OSBPL9: variants seen among roughly 807,000 people sequenced by gnomAD.
OSBPL9 encodes oxysterol binding protein like 9.
Under a neutral mutation model 106.6 loss-of-function variants are expected in OSBPL9, and 40 were observed. The observed-to-expected ratio is 0.38, with a 90% CI of 0.29 to 0.49. OSBPL9 has a LOEUF of 0.49. Among genes scored for constraint, OSBPL9 ranks in the 20% least tolerant of loss-of-function variants. The pLI, the probability that OSBPL9 is intolerant of heterozygous loss-of-function variation, is 0.97. For missense variants in OSBPL9, 609 were observed against 887.2 expected (o/e 0.69, Z 3.98); for synonymous variants, 269 against 295.4 (o/e 0.91, Z 0.92).
chr1:51,745,516 T>C lies in OSBPL9; in HGVS notation c.319-20T>C. On this transcript the variant is annotated intron_variant, in intron 4 of 23. Coordinates refer to ENST00000428468, the MANE Select transcript of OSBPL9 (RefSeq NM_024586.6). ...TTTGCTTGGGTTCTGGTAGATTTAT[T>C]GCAAATTCTCTTTCTCTAGGGTTTG... 6.2e-7 allele frequency: 1 copy of C among 1,608,420 alleles called. No individual in the cohort carries two copies. The highest frequency in any genetic ancestry group is 8.5e-7 in the Non-Finnish European group (1 of 1,176,892).
intron 3 of OSBPL9, among the ~76,000 whole-genome samples, chr1:51,706,084 G>A (rs1171310499): frequency 6.6e-6 from 1 of 152,176 alleles, no homozygotes; most frequent in African/African-American, 2.4e-5. Flanking sequence ...CCTTAAAAAA[G>A]AGTTGTGGAG....
intron 14 of OSBPL9, among the ~76,000 whole-genome samples, chr1:51,773,107 C>T (rs1172614732): frequency 6.6e-6 from 1 of 152,072 alleles, no homozygotes; most frequent in Non-Finnish European, 1.5e-5. Context: ...TAACCTGTTT[C>T]AGAGGGTTAT....
rs1677190936 is a variant in OSBPL9, at chr1:51,784,690, G to GTAAGCGTGTTTCACATTTTA, written c.1829+110_1829+129dup. The GTAAGCGTGTTTCACATTTTA allele has an allele frequency of 4.2e-5, 55 of 1,297,722 alleles. 1 individual carries two copies. The South Asian group carries it at 6.6e-4, about 15-fold the overall frequency. 80.4% of individuals were successfully genotyped at this position (1,297,722 alleles called of 1,614,324 possible). On this transcript the variant is annotated intron_variant, in intron 20 of 23. Coordinates refer to ENST00000428468, the MANE Select transcript of OSBPL9 (RefSeq NM_024586.6). ...AGTGTGAAAGAATGGTTCTGTCTTT[G>GTAAGCGTGTTTCACATTTTA]TAAGCGTGTTTCACATTTTATGTGT...
chr1:51,617,041 G>GC (rs750248073), upstream of OSBPL9: 14 of 352,952 alleles, frequency 4.0e-5, no homozygotes, highest in Non-Finnish European at 6.1e-5. Flanking sequence ...CTGCGGCCCC[G>GC]CCCCCCGCAT....
intron 8 of OSBPL9, chr1:51,752,663 GT>G (rs1483987768): frequency 1.7e-5 from 7 of 414,280 alleles, no homozygotes; most frequent in Admixed American, 2.6e-5. Flanking sequence ...GGCCTGTTCA[GT>G]TTCTGATGAG....
intron 12 of OSBPL9, among the ~76,000 whole-genome samples, chr1:51,767,934 G>GTTTTTTTTTT (rs1367458545): frequency 1.9e-5 from 2 of 104,688 alleles, no homozygotes; most frequent in African/African-American, 7.4e-5. Context: ...ATTAAAGACC[G>GTTTTTTTTTT]TCTTTTTTTT....
intron 1 of OSBPL9, among the ~76,000 whole-genome samples, chr1:51,588,582 T>C: frequency 6.6e-6 from 1 of 151,590 alleles, no homozygotes; most frequent in South Asian, 2.1e-4. Flanking sequence ...GCTCAGGAGG[T>C]GGAGGCTGCA....
intron 2 of OSBPL9, among the ~76,000 whole-genome samples, chr1:51,660,978 G>T (rs1647108692): frequency 1.3e-5 from 2 of 152,010 alleles, no homozygotes; most frequent in Admixed American, 1.3e-4. Context: ...TTGGACTTTT[G>T]GCAAACTTAA....
chr1:51,745,531 T>G lies in OSBPL9; in HGVS notation c.319-5T>G. ...GTAGATTTATTGCAAATTCTCTTTC[T>G]CTAGGGTTTGGATTCAGGATTTGTT... On this transcript the variant is annotated splice_polypyrimidine_tract_variant and splice_region_variant and intron_variant, in intron 4 of 23. Transcript: ENST00000428468. 1 of 1,610,940 alleles carries G rather than the reference T, an allele frequency of 6.2e-7. No individual in the cohort carries two copies. Among genetic ancestry groups the G allele is most frequent in the Non-Finnish European group, 8.5e-7 (1 of 1,178,482 alleles).
intron 1 of OSBPL9, chr1:51,583,308 C>T (rs12142039): frequency 0.46 from 70,574 of 151,992 alleles, 17,585 homozygotes; most frequent in African/African-American, 0.62. Flanking sequence ...AGGGAGCTAG[C>T]GCTTACTGAG....
At chr1:51,580,848 T>C (rs1307932301) in intron 1 of OSBPL9, among the ~76,000 whole-genome samples, 1 of 132,012 alleles carries the variant, frequency 7.6e-6, no homozygotes, top group African/African-American at 2.7e-5. Context: ...CGCTCAGAGA[T>C]GACCATTGTT....
chr1:51,664,311 A>G (rs1048126110), intron 2 of OSBPL9, among the ~76,000 whole-genome samples: 1 of 152,200 alleles, frequency 6.6e-6, no homozygotes, highest in African/African-American at 2.4e-5. Context: ...TGCTTCATGC[A>G]ACAATATGGA....
chr1:51,665,554 A>G (rs1418899535), intron 2 of OSBPL9, among the ~76,000 whole-genome samples: 2 of 152,286 alleles, frequency 1.3e-5, no homozygotes, highest in South Asian at 4.1e-4. Flanking sequence ...TTGTCATAGG[A>G]AATGAAGGAC....
intron 1 of OSBPL9, among the ~76,000 whole-genome samples, chr1:51,624,551 C>G (rs1247411390): frequency 6.6e-6 from 1 of 151,856 alleles, no homozygotes; most frequent in African/African-American, 2.4e-5. Flanking sequence ...CGCCACTGCA[C>G]TCTAGCCTGG....
At chr1:51,644,575 G>A (rs139550482) in intron 1 of OSBPL9, among the ~76,000 whole-genome samples, 106 of 152,212 alleles carry the variant, frequency 7.0e-4, no homozygotes, top group African/African-American at 2.3e-3. Context: ...TGATCTGTCC[G>A]CCTCAGCCTC....
intron 3 of OSBPL9, among the ~76,000 whole-genome samples, chr1:51,673,306 GAA>G (rs1198387649): frequency 3.3e-5 from 5 of 152,226 alleles, no homozygotes; most frequent in African/African-American, 1.2e-4. Context: ...GTAACCTTGA[GAA>G]GAGTGATTTT....
chr1:51,519,174 C>T, the OSBPL9 span: 1 of 1,436,960 alleles, frequency 7.0e-7, no homozygotes, highest in Non-Finnish European at 9.2e-7. Flanking sequence ...CCGGCCAAGC[C>T]CGGCGGACGG....
At chr1:51,603,105 T>G (rs1318065331) in intron 2 of OSBPL9, among the ~76,000 whole-genome samples, 1 of 152,104 alleles carries the variant, frequency 6.6e-6, no homozygotes, top group Non-Finnish European at 1.5e-5. Context: ...CAGTGAGCCA[T>G]GATCGTGCCA....
chr1:51,644,098 AAAAAAAAAGCAGGTGATAC>A lies in OSBPL9; in HGVS notation c.112-7890_112-7872del, dbSNP rs1461300230. 4.0e-5 allele frequency among the ~76,000 whole-genome samples: 6 copies of A among 151,226 alleles called. No individual in the cohort carries two copies. In the East Asian group the frequency reaches 7.7e-4, roughly 20 times the overall value. On this transcript the variant is annotated intron_variant, in intron 1 of 23. Coordinates refer to ENST00000428468, the MANE Select transcript of OSBPL9 (RefSeq NM_024586.6). The stretch of plus-strand genomic sequence containing the variant: ...TTGTCTAAAAAAAAAAAAAAAAAAA[AAAAAAAAAGCAGGTGATAC>A]AATATTGGGATGTATTGTAGAGGGC...
Sources: allele counts gnomAD v4.1 joint callset (sites outside exome capture counted in the v4.1 genomes callset), GRCh38; gene constraint gnomAD v4.1.1; transcripts MANE v1.5; gene names NCBI Gene and HGNC (gene_info 2026-07-23, HGNC 2026-07-21).